MRC1: variants seen among roughly 807,000 people sequenced by gnomAD.
MRC1 encodes the protein macrophage mannose receptor 1.
MRC1 carries 62 observed loss-of-function variants against 102.9 expected under a neutral mutation model. The ratio of observed to expected loss-of-function variants is 0.60; its 90% CI spans 0.49 to 0.74. MRC1 has a LOEUF of 0.74. MRC1 is among the 30% of genes least tolerant of loss of function. The pLI is 0.00. For missense variants in MRC1, 1,237 were observed against 862.8 expected, an observed-to-expected ratio of 1.43 and a Z score of -5.43; for synonymous variants, 457 against 298.4, an observed-to-expected ratio of 1.53 and a Z score of -5.48.
intron 26 of MRC1, among the ~76,000 whole-genome samples, chr10:17,903,126 T>C (rs1833850664): frequency 6.6e-6 from 1 of 152,180 alleles, no homozygotes; most frequent in South Asian, 2.1e-4. Flanking sequence ...TCTTTGAATC[T>C]CAAGCGTCTT....
At chr10:17,850,037 T>C (rs1308500913) in intron 7 of MRC1, among the ~76,000 whole-genome samples, 1 of 152,202 alleles carries the variant, frequency 6.6e-6, no homozygotes, top group African/African-American at 2.4e-5. Flanking sequence ...CATTATTTTT[T>C]TCATGCATTA....
At chr10:17,908,718 G>A (rs1454504328) in intron 28 of MRC1, among the ~76,000 whole-genome samples, 4 of 152,108 alleles carry the variant, frequency 2.6e-5, no homozygotes, top group South Asian at 2.1e-4. Context: ...ACAGGCGCAC[G>A]CCACTATGCC....
chr10:17,831,878 G>A (rs1838579351), intron 3 of MRC1, among the ~76,000 whole-genome samples: 1 of 151,572 alleles, frequency 6.6e-6, no homozygotes, highest in African/African-American at 2.4e-5. Flanking sequence ...GCCGCTTACA[G>A]AGTACAACCA....
At chr10:17,899,239 A>T (rs896331933) in intron 24 of MRC1, among the ~76,000 whole-genome samples, 8 of 152,218 alleles carry the variant, frequency 5.3e-5, no homozygotes, top group African/African-American at 1.7e-4. Flanking sequence ...GTGTGTATTT[A>T]AAAGTAAGTA....
chr10:17,881,582 C>G (rs1199467720), intron 21 of MRC1, among the ~76,000 whole-genome samples: 1 of 151,764 alleles, frequency 6.6e-6, no homozygotes, highest in Non-Finnish European at 1.5e-5. Flanking sequence ...TTGCTGCTTT[C>G]CCATTTATTG....
intron 9 of MRC1, among the ~76,000 whole-genome samples, chr10:17,859,730 C>G (rs1833152091): frequency 6.6e-6 from 1 of 152,168 alleles, no homozygotes; most frequent in Non-Finnish European, 1.5e-5. Flanking sequence ...TGTGGTTTTG[C>G]ATTCTACTTC....
At chr10:17,847,614 G>A (rs12359178) in intron 6 of MRC1, among the ~76,000 whole-genome samples, 14,189 of 152,232 alleles carry the variant, frequency 0.093, 900 homozygotes, top group Non-Finnish European at 0.14. Context: ...ACACTAACCC[G>A]TTTGTCCATA....
Position 17,910,771 on chromosome 10 carries a change from C to G in MRC1, c.*306C>G, listed in dbSNP as rs1458720789. On this transcript the variant is annotated 3_prime_UTR_variant, in exon 30 of 30. Coordinates refer to ENST00000569591, the MANE Select transcript of MRC1 (RefSeq NM_002438.4). The stretch of plus-strand genomic sequence containing the variant: ...GTCAGCTTCATGTGGATTTTAAGCA[C>G]TCTAGAAACAATGAAGCTTCTTGGC... The G allele has an allele frequency of 1.4e-5, 5 of 363,624 alleles. No homozygotes were observed. Among genetic ancestry groups the G allele is most frequent in the African/African-American group, 8.4e-5 (4 of 47,838 alleles). 22.5% of individuals were successfully genotyped at this position (363,624 alleles called of 1,614,324 possible). A position where few individuals can be genotyped will look rare whatever the true frequency, so the allele number is the denominator to read the frequency against.
chr10:17,888,237 T>C (rs966859983), intron 22 of MRC1, among the ~76,000 whole-genome samples: 341 of 152,342 alleles, frequency 2.2e-3, no homozygotes, highest in Non-Finnish European at 3.6e-3. Flanking sequence ...GTTTTCTGGA[T>C]CAGAGACTCT....
rs1311097822 is a variant in MRC1, at chr10:17,866,672, GT to G, written c.1895del (p.Val632GlufsTer56). The G allele has an allele frequency of 6.4e-6, 5 of 780,836 alleles. No homozygotes were observed. Among genetic ancestry groups the G allele is most frequent in the Non-Finnish European group, 1.2e-5 (5 of 417,952 alleles). 48.4% of individuals were successfully genotyped at this position (780,836 alleles called of 1,614,324 possible). A position where few individuals can be genotyped will look rare whatever the true frequency, so the allele number is the denominator to read the frequency against. On this transcript the variant is annotated frameshift_variant, in exon 12 of 30. Coordinates refer to ENST00000569591, the MANE Select transcript of MRC1 (RefSeq NM_002438.4). LOFTEE classifies it high-confidence loss of function. Reference protein sequence around the residue: ...KFVCKHWAEGVTHPPKPTTTP... With the variant: ...KFVCKHWAEGXTHPPKPTTTP... ...TGTGTGCAAGCACTGGGCAGAAGGA[GT>G]AACCCACCCACCGAAGCCCACGACG... is the stretch of plus-strand genomic sequence containing the variant.
chr10:17,856,315 G>A lies in MRC1; in HGVS notation c.1481G>A (p.Gly494Asp), dbSNP rs1833092021. ...TGCAAGATGAAATCACGAAGCCAAG[G>A]TCCAGAAATAGTGGAAGTCGAAAAA... ...YICKMKSRSQGPEIVEVEKGC... is the reference protein window; with the variant it reads ...YICKMKSRSQDPEIVEVEKGC... The change falls in exon 9 of 30, where the codon GGT becomes GAT. Residue 494 changes from glycine to aspartate, a missense_variant. Gly to Asp is a moderately conservative substitution (Grantham distance 94). Transcript: ENST00000569591. 1.2e-6 allele frequency: 1 copy of A among 861,014 alleles called. No homozygotes were observed. The highest frequency in any genetic ancestry group is 1.7e-5 in the Admixed American group (1 of 57,518). 53.3% of individuals were successfully genotyped at this position (861,014 alleles called of 1,614,324 possible).
chr10:17,906,782 A>G (rs1354101744), intron 26 of MRC1, 104 bp from the exon 27 acceptor site: 2 of 773,484 alleles, frequency 2.6e-6, no homozygotes, highest in Non-Finnish European at 4.8e-6. Context: ...TTAAGTGGAG[A>G]TGTTAGGCTG....
chr10:17,895,234 AAAAATAAAAT>A (rs1157440139), intron 23 of MRC1, among the ~76,000 whole-genome samples: 14 of 152,198 alleles, frequency 9.2e-5, no homozygotes, highest in African/African-American at 3.4e-4. Flanking sequence ...AAACAAAAAC[AAAAATAAAAT>A]AAAATAAAAT....
chr10:17,829,482 G>C (rs956206111), intron 3 of MRC1, among the ~76,000 whole-genome samples: 1 of 151,458 alleles, frequency 6.6e-6, no homozygotes, highest in Non-Finnish European at 1.5e-5. Flanking sequence ...TGCTGCCTCG[G>C]TCTTAACTGA....
chr10:17,905,492 AT>A (rs1274101773), intron 26 of MRC1, among the ~76,000 whole-genome samples: 2 of 152,104 alleles, frequency 1.3e-5, no homozygotes, highest in Admixed American at 6.6e-5. Flanking sequence ...AATTAAAAAA[AT>A]GTTTTCTTCA....
intron 7 of MRC1, among the ~76,000 whole-genome samples, chr10:17,850,841 A>G (rs1838903823): frequency 6.6e-6 from 1 of 152,122 alleles, no homozygotes; most frequent in Admixed American, 6.5e-5. Flanking sequence ...AAGACTTAAA[A>G]GTCCCCGAAA....
At chr10:17,853,768 A>T (rs1229915221) in intron 8 of MRC1, among the ~76,000 whole-genome samples, 1 of 152,106 alleles carries the variant, frequency 6.6e-6, no homozygotes, top group Non-Finnish European at 1.5e-5. Flanking sequence ...GTCATATGAA[A>T]TGATTGCTTT....
At chr10:17,890,074 G>T (rs1833651897) in intron 22 of MRC1, among the ~76,000 whole-genome samples, 1 of 151,958 alleles carries the variant, frequency 6.6e-6, no homozygotes, top group African/African-American at 2.4e-5. Context: ...ACTTCTTAAG[G>T]ACAATTTCAC....
chr10:17,894,933 A>C (rs1347698421), intron 23 of MRC1, among the ~76,000 whole-genome samples: 1 of 152,126 alleles, frequency 6.6e-6, no homozygotes, highest in Non-Finnish European at 1.5e-5. Context: ...AGCACTTTTG[A>C]AGACTGAGGT....
Sources: allele counts gnomAD v4.1 joint callset (sites outside exome capture counted in the v4.1 genomes callset), GRCh38; gene constraint gnomAD v4.1.1; transcripts MANE v1.5; gene names NCBI Gene and HGNC (gene_info 2026-07-23, HGNC 2026-07-21).